Variants in HDHD5 observed in about 807,000 individuals in gnomAD.
The protein encoded by HDHD5 is haloacid dehalogenase like hydrolase domain containing 5, also known as haloacid dehalogenase-like hydrolase domain-containing 5.
Under a neutral mutation model 35.5 loss-of-function variants are expected in HDHD5, and 34 were observed. The observed-to-expected ratio is 0.96, with a 90% CI of 0.73 to 1.28. The LOEUF is 1.28. Among genes scored for constraint, HDHD5 ranks in the 50% most tolerant of loss-of-function variants. The pLI is 0.00. For synonymous variants in HDHD5, 248 were observed against 240.6 expected (o/e 1.03, Z -0.29); for missense variants, 589 against 560.2 (o/e 1.05, Z -0.52).
Position 17,148,563 on chromosome 22 carries a change from G to A in HDHD5, c.331-3C>T, listed in dbSNP as rs1489976240. 1.9e-6 allele frequency: 3 copies of A among 1,609,638 alleles called. No individual in the cohort carries two copies. The highest frequency in any genetic ancestry group is 1.7e-6 in the Non-Finnish European group (2 of 1,175,972). ...AGGATAACTTGGTCTGCATCCACCT[G>A]TAGGGACAGCCAAGACAGGGGAGGG... is the stretch of plus-strand genomic sequence containing the variant. On this transcript the variant is annotated splice_region_variant and splice_polypyrimidine_tract_variant and intron_variant, in intron 2 of 7. Coordinates refer to ENST00000336737, the MANE Select transcript of HDHD5 (RefSeq NM_033070.3).
Position 17,138,731 on chromosome 22 carries a change from G to A in HDHD5, c.754C>T (p.His252Tyr), listed in dbSNP as rs2061565071. 3.7e-6 allele frequency: 6 copies of A among 1,614,192 alleles called. No homozygotes were observed. The highest frequency in any genetic ancestry group is 5.1e-6 in the Non-Finnish European group (6 of 1,180,036). The stretch of plus-strand genomic sequence containing the variant: ...TCCAGGCACAGCAGAAAGGTGCCAT[G>A]TCCAAACCTGCCAGAAACGAGCACG... ...MAEAKMPRFG[H>Y]GTFLLCLETI... The change falls in exon 7 of 8, where the codon CAT becomes TAT. Residue 252 changes from histidine (H) to tyrosine (Y), a missense_variant. By Grantham distance (83) the His-to-Tyr change is moderately conservative. Transcript: ENST00000336737.
intron 3 of HDHD5, among the ~76,000 whole-genome samples, chr22:17,146,199 T>G (rs2061660077): frequency 6.6e-6 from 1 of 152,044 alleles, no homozygotes; most frequent in Admixed American, 6.5e-5. Flanking sequence ...CTTCCCCTGC[T>G]TAGGAGCTTA....
intron 4 of HDHD5, among the ~76,000 whole-genome samples, chr22:17,143,947 GGATCA>G (rs2061628121): frequency 6.6e-6 from 1 of 152,202 alleles, no homozygotes; most frequent in South Asian, 2.1e-4. Flanking sequence ...GATCACCAAG[GGATCA>G]GATGAGTTAG....
intron 1 of HDHD5, among the ~76,000 whole-genome samples, chr22:17,154,045 G>A (rs1277474787): frequency 1.3e-5 from 2 of 151,644 alleles, no homozygotes; most frequent in South Asian, 2.1e-4. Flanking sequence ...GCAGAGATGC[G>A]GTTTCCCCAG....
upstream of HDHD5, among the ~76,000 whole-genome samples, chr22:17,160,509 C>T (rs965110115): frequency 6.6e-6 from 1 of 151,804 alleles, no homozygotes; most frequent in Non-Finnish European, 1.5e-5. Context: ...ATTAGCCAGG[C>T]GCGGTGGCAG....
upstream of HDHD5, chr22:17,159,643 G>T: frequency 7.8e-6 from 3 of 382,410 alleles, no homozygotes; most frequent in South Asian, 1.8e-5. Flanking sequence ...GGGCCGGGCC[G>T]CTGGGGCAGA....
intron 1 of HDHD5, among the ~76,000 whole-genome samples, chr22:17,154,166 A>AT (rs2061758670): frequency 1.3e-5 from 2 of 149,382 alleles, no homozygotes; most frequent in Admixed American, 6.6e-5. Flanking sequence ...CCAGCCAACA[A>AT]TTTTTTTAAG....
intron 4 of HDHD5, among the ~76,000 whole-genome samples, chr22:17,144,166 A>G (rs567435223): frequency 6.6e-6 from 1 of 152,334 alleles, no homozygotes; most frequent in East Asian, 1.9e-4. Context: ...TCCTTGTTGG[A>G]CGGGATGCTG....
intron 1 of HDHD5, among the ~76,000 whole-genome samples, chr22:17,157,114 A>ACACACACACACACACACACACAC (rs1555881519): frequency 2.0e-5 from 3 of 148,198 alleles, no homozygotes; most frequent in Non-Finnish European, 3.0e-5. Flanking sequence ...ACACACACAC[A>ACACACACACACACACACACACAC]AAAGAAAAAA....
In HDHD5 at chr22:17,159,187, C is replaced by A; in HGVS notation, c.65G>T (p.Arg22Leu). 8.3e-7 allele frequency: 1 copy of A among 1,208,192 alleles called. No homozygotes were observed. Among genetic ancestry groups the A allele is most frequent in the Non-Finnish European group, 1.0e-6 (1 of 972,454 alleles). The allele number at this position is 1,208,192 out of a possible 1,614,324, so 74.8% of individuals were successfully genotyped here. The change falls in exon 1 of 8, where the codon CGC becomes CTC. Residue 22 changes from arginine to leucine, a missense_variant. Arg to Leu is a moderately radical substitution (Grantham distance 102). Coordinates refer to ENST00000336737, the MANE Select transcript of HDHD5 (RefSeq NM_033070.3). ...AARGLCWRAA[R>L]AAAGLQGRPA... is the part of the protein sequence containing the mutation. ...GCGGCCCTGGAGCCCCGCAGCCGCG[C>A]GCGCCGCCCGCCAGCAAAGCCCACG...
At chr22:17,149,969 CAG>C (rs927592055) in intron 1 of HDHD5, among the ~76,000 whole-genome samples, 2 of 152,128 alleles carry the variant, frequency 1.3e-5, no homozygotes, top group African/African-American at 4.8e-5. Flanking sequence ...TTCGCTTTTA[CAG>C]AGTCTTCCCG....
Position 17,137,674 on chromosome 22 carries a change from G to A in HDHD5, c.*347C>T. The A allele has an allele frequency of 4.0e-6, 1 of 249,922 alleles. No homozygotes were observed. Among genetic ancestry groups the A allele is most frequent in the Admixed American group, 5.0e-5 (1 of 19,858 alleles). 15.5% of individuals were successfully genotyped at this position (249,922 alleles called of 1,614,324 possible). ...TCAGTGCCGGCAAAGGCTCTGCACA[G>A]ACATCCACAGTATTCCACACTGCCT... On this transcript the variant is annotated 3_prime_UTR_variant, in exon 8 of 8. Transcript: ENST00000336737.
chr22:17,142,381 A>T (rs1321775930), intron 5 of HDHD5: 1 of 152,220 alleles, frequency 6.6e-6, no homozygotes, highest in Non-Finnish European at 1.5e-5. Flanking sequence ...ATAAACATCA[A>T]TTTTTCCAAA....
At chr22:17,152,757 C>A (rs1358744024) in intron 1 of HDHD5, among the ~76,000 whole-genome samples, 1 of 151,966 alleles carries the variant, frequency 6.6e-6, no homozygotes, top group African/African-American at 2.4e-5. Context: ...CGTGTGGGGT[C>A]CAGGAAGCTG....
upstream of HDHD5, among the ~76,000 whole-genome samples, chr22:17,161,577 A>G (rs1465296014): frequency 9.2e-5 from 14 of 151,378 alleles, no homozygotes; most frequent in South Asian, 2.3e-3. Context: ...AAAAAAAAAA[A>G]GCTGGAGTTG....
chr22:17,150,315 CA>C (rs1279360716), intron 1 of HDHD5, among the ~76,000 whole-genome samples: 19 of 152,086 alleles, frequency 1.2e-4, no homozygotes, highest in Admixed American at 6.6e-4. Flanking sequence ...AAGTTAAAAA[CA>C]AAATAACCTC....
At position 17,143,110 on chromosome 22, in the gene HDHD5, G is replaced by C. The variant is rs560893696; in HGVS notation, c.559C>G (p.Pro187Ala). ...KTTPLPRNDFPRIEGVLLLGE... is the reference protein window; with the variant it reads ...KTTPLPRNDFARIEGVLLLGE... ...GGACCTCTCTTACCTTCAATGCGGG[G>C]GAAGTCATTCCTCGGGAGGGGCTGC... Residue 187 changes from proline to alanine, a missense_variant, in exon 5 of 8, where the codon CCC becomes GCC. Pro to Ala is a conservative substitution (Grantham distance 27). Coordinates refer to ENST00000336737, the MANE Select transcript of HDHD5 (RefSeq NM_033070.3). 2 of 1,610,074 alleles carry C rather than the reference G, an allele frequency of 1.2e-6. No individual in the cohort carries two copies. Among genetic ancestry groups the C allele is most frequent in the South Asian group, 2.2e-5 (2 of 90,058 alleles).
chr22:17,145,879 C>A (rs992088395), intron 3 of HDHD5, among the ~76,000 whole-genome samples: 1 of 152,076 alleles, frequency 6.6e-6, no homozygotes, highest in African/African-American at 2.4e-5. Flanking sequence ...GAACCCAAAT[C>A]ATCAAGGAAG....
chr22:17,139,829 C>A (rs963942614), intron 6 of HDHD5, among the ~76,000 whole-genome samples: 1 of 152,206 alleles, frequency 6.6e-6, no homozygotes, highest in African/African-American at 2.4e-5. Context: ...CTCGGCCTCC[C>A]GAAGTGTTGG....
Sources: gnomAD v4.1 joint callset for allele counts (sites outside exome capture counted in the v4.1 genomes callset) on GRCh38, gnomAD v4.1.1 for gene constraint, MANE v1.5 for transcripts, NCBI Gene and HGNC (gene_info 2026-07-23, HGNC 2026-07-21) for gene names.